RNF145: variants seen among roughly 807,000 people sequenced by gnomAD.
RNF145 encodes ring finger protein 145.
RNF145 carries 12 observed loss-of-function variants against 57.3 expected under a neutral mutation model. That is an observed-to-expected ratio of 0.21 (90% confidence interval 0.13 to 0.34). The LOEUF is 0.34. Ranked by LOEUF, RNF145 falls within the 10% of genes least tolerant of loss-of-function variation. The probability of loss-of-function intolerance (pLI) is 1.00; values close to 1 mark genes in which losing one functional copy is unlikely to be tolerated. For missense variants in RNF145, 429 were observed against 799.0 expected (o/e 0.54, Z 5.58); for synonymous variants, 262 against 288.3 (o/e 0.91, Z 0.92).
At chr5:159,181,182 CA>C (rs796089068) in intron 4 of RNF145, among the ~76,000 whole-genome samples, 28 of 145,018 alleles carry the variant, frequency 1.9e-4, no homozygotes, top group Non-Finnish European at 2.0e-4. Flanking sequence ...AAGTGTAACT[CA>C]AAAAAAAAAG....
intron 2 of RNF145, among the ~76,000 whole-genome samples, chr5:159,195,256 T>G (rs567482585): frequency 2.6e-4 from 40 of 152,310 alleles, no homozygotes; most frequent in African/African-American, 9.6e-4. Context: ...CTATCTCCTA[T>G]ACTTTCAGTC....
At chr5:159,182,488 T>C (rs1169304567) in intron 3 of RNF145, among the ~76,000 whole-genome samples, 2 of 152,096 alleles carry the variant, frequency 1.3e-5, no homozygotes. Flanking sequence ...GATTATATTT[T>C]ATTAGTCCCA....
At chr5:159,164,871 G>T (rs1410198382) in intron 8 of RNF145, among the ~76,000 whole-genome samples, 2 of 152,116 alleles carry the variant, frequency 1.3e-5, no homozygotes, top group Non-Finnish European at 2.9e-5. Context: ...AGCTAAACGT[G>T]GAAATTACCT....
Position 159,209,520 on chromosome 5 carries a change from C to G in RNF145, c.-329G>C. 1.0e-6 allele frequency: 1 copy of G among 981,878 alleles called. No homozygotes were observed. Among genetic ancestry groups the G allele is most frequent in the Non-Finnish European group, 1.2e-6 (1 of 827,436 alleles). The allele number at this position is 981,878 out of a possible 1,614,324, so 60.8% of individuals were successfully genotyped here. A position where few individuals can be genotyped will look rare whatever the true frequency, so the allele number is the denominator to read the frequency against. On this transcript the variant is annotated 5_prime_UTR_variant, in exon 1 of 11. Transcript: ENST00000424310. ...GCGCCGGCGTCGGCGGCCATGGCCT[C>G]CTGCGTTTGCTCCTCCCGCCCCCGG...
chr5:159,171,049 T>C (rs1335582907), intron 6 of RNF145, among the ~76,000 whole-genome samples: 1 of 152,218 alleles, frequency 6.6e-6, no homozygotes, highest in Non-Finnish European at 1.5e-5. Context: ...AGTTGGTTTT[T>C]ATGTGAAAGC....
At chr5:159,195,307 G>A (rs1785420062) in intron 2 of RNF145, among the ~76,000 whole-genome samples, 1 of 151,878 alleles carries the variant, frequency 6.6e-6, no homozygotes, top group Non-Finnish European at 1.5e-5. Flanking sequence ...TTCAAAGAAT[G>A]TGCAGGGCTT....
chr5:159,182,981 C>T (rs1465222571), intron 3 of RNF145, among the ~76,000 whole-genome samples: 8 of 152,020 alleles, frequency 5.3e-5, no homozygotes, highest in Non-Finnish European at 1.2e-4. Flanking sequence ...TCCCATTAGG[C>T]AATCAAGTGG....
At chr5:159,181,681 C>T (rs1183379986) in intron 4 of RNF145, among the ~76,000 whole-genome samples, 2 of 151,490 alleles carry the variant, frequency 1.3e-5, no homozygotes, top group Non-Finnish European at 2.9e-5. Context: ...TAATAATTAG[C>T]TCTATTTAAA....
chr5:159,176,982 A>G (rs1261394642), intron 4 of RNF145, 115 bp from the exon 5 acceptor site: 1 of 605,174 alleles, frequency 1.7e-6, no homozygotes. Context: ...AAGTCTAACT[A>G]AAATCTCGTA....
At chr5:159,201,325 C>A (rs1242925705) in intron 2 of RNF145, among the ~76,000 whole-genome samples, 1 of 152,192 alleles carries the variant, frequency 6.6e-6, no homozygotes, top group African/African-American at 2.4e-5. Context: ...AACCCAGCAA[C>A]TTCGCTTCTA....
At chr5:159,190,961 A>T (rs2113198581) in intron 3 of RNF145, among the ~76,000 whole-genome samples, 1 of 152,178 alleles carries the variant, frequency 6.6e-6, no homozygotes, top group East Asian at 1.9e-4. Flanking sequence ...ATATCAAAAC[A>T]AACTCCATGA....
At chr5:159,204,803 CAA>C (rs1163143098) in intron 1 of RNF145, among the ~76,000 whole-genome samples, 2 of 47,066 alleles carry the variant, frequency 4.2e-5, no homozygotes, top group Non-Finnish European at 9.2e-5. Context: ...GACTCCGTCT[CAA>C]AAAAAAAAAA....
At position 159,168,947 on chromosome 5, in the gene RNF145, G is replaced by C. The variant is rs746033475; in HGVS notation, c.1047C>G (p.Val349=). Residue 349 remains valine (V), a synonymous_variant, in exon 8 of 11, where the codon GTC becomes GTG. Coordinates refer to ENST00000424310, the MANE Select transcript of RNF145 (RefSeq NM_001199383.2). ...AFLLSIILFI[V]VASILQSMLE... The stretch of plus-strand genomic sequence containing the variant: ...ACATAGACTGTAGGATAGAAGCTAC[G>C]ACAATGAAAAGGATAATACTGAGCA... The C allele has an allele frequency of 1.9e-6, 3 of 1,608,924 alleles. No individual in the cohort carries two copies. In the East Asian group the frequency reaches 6.7e-5, roughly 36 times the overall value.
At chr5:159,170,938 C>A (rs1784529757) in intron 6 of RNF145, among the ~76,000 whole-genome samples, 3 of 152,188 alleles carry the variant, frequency 2.0e-5, no homozygotes, top group Admixed American at 2.0e-4. Flanking sequence ...AGAAGAATTT[C>A]ACTGATATAG....
In RNF145 at chr5:159,209,493, C is replaced by T. The variant is rs1786028528; in HGVS notation, c.-302G>A. On this transcript the variant is annotated 5_prime_UTR_variant, in exon 1 of 11. Transcript: ENST00000424310. The stretch of plus-strand genomic sequence containing the variant: ...CTCGCGGGCCGAGCCCCTTAGCAGC[C>T]GGCGCCGGCGTCGGCGGCCATGGCC... The T allele has an allele frequency of 1.1e-6, 1 of 928,600 alleles. No homozygotes were observed. The highest frequency in any genetic ancestry group is 1.2e-6 in the Non-Finnish European group (1 of 808,630). The allele number at this position is 928,600 out of a possible 1,614,324, so 57.5% of individuals were successfully genotyped here.
intron 6 of RNF145, among the ~76,000 whole-genome samples, chr5:159,173,532 T>C (rs963208721): frequency 2.2e-4 from 33 of 152,324 alleles, no homozygotes; most frequent in African/African-American, 7.5e-4. Flanking sequence ...GGCAAGTTAT[T>C]CCTGGTACAG....
chr5:159,203,525 G>C lies in RNF145; in HGVS notation c.93C>G (p.Val31=). 6.2e-7 allele frequency: 1 copy of C among 1,613,882 alleles called. No homozygotes were observed. The highest frequency in any genetic ancestry group is 8.5e-7 in the Non-Finnish European group (1 of 1,179,934). The change falls in exon 2 of 11, where the codon GTC becomes GTG. Residue 31 remains valine, a synonymous_variant. Transcript: ENST00000424310. ...TTTGGATCTGCTGGAAAAAGGAGCTGACATCCCATCTGTACAGGACATCCA... is the reference window on the plus strand; with the variant it reads ...TTTGGATCTGCTGGAAAAAGGAGCTCACATCCCATCTGTACAGGACATCCA... The part of the protein sequence containing the change: ...MLLDVLYRWD[V]SSFFQQIQRS...
At chr5:159,189,537 G>A (rs1785211974) in intron 3 of RNF145, among the ~76,000 whole-genome samples, 1 of 152,194 alleles carries the variant, frequency 6.6e-6, no homozygotes, top group Non-Finnish European at 1.5e-5. Context: ...TAACAGTCTG[G>A]CAGTTTCTCA....
intron 1 of RNF145, chr5:159,207,550 T>C (rs532853371): frequency 1.9e-6 from 3 of 1,584,588 alleles, no homozygotes; most frequent in South Asian, 1.1e-5. Flanking sequence ...TTAAGAAAAG[T>C]AAATTTTCGG....
Sources: allele counts gnomAD v4.1 joint callset (sites outside exome capture counted in the v4.1 genomes callset), GRCh38; gene constraint gnomAD v4.1.1; transcripts MANE v1.5; gene names NCBI Gene and HGNC (gene_info 2026-07-23, HGNC 2026-07-21).